The following SGCZ variants were observed in gnomAD, a reference collection of about 807,000 sequenced individuals.
SGCZ encodes the protein sarcoglycan zeta.
Under a neutral mutation model 41.3 loss-of-function variants are expected in SGCZ, and 40 were observed. The ratio of observed to expected loss-of-function variants is 0.97; its 90% CI spans 0.75 to 1.26. The LOEUF (loss-of-function observed/expected upper bound fraction) is 1.26. SGCZ is among the 50% of genes most tolerant of loss of function. The pLI, the probability that SGCZ is intolerant of heterozygous loss-of-function variation, is 0.00. For synonymous variants in SGCZ, 206 were observed against 137.5 expected, an observed-to-expected ratio of 1.50 and a Z score of -3.49; for missense variants, 552 against 369.8, an observed-to-expected ratio of 1.49 and a Z score of -4.04.
chr8:14,719,376 G>A (rs1585207151), intron 1 of SGCZ, among the ~76,000 whole-genome samples: 1 of 150,218 alleles, frequency 6.7e-6, no homozygotes, highest in Non-Finnish European at 1.5e-5. Context: ...CCCAGTAATG[G>A]GATGGCTGGG....
At chr8:14,353,196 T>C (rs543239373) in intron 2 of SGCZ, among the ~76,000 whole-genome samples, 55 of 152,178 alleles carry the variant, frequency 3.6e-4, no homozygotes, top group African/African-American at 1.2e-3. Flanking sequence ...ATGGAGTTGG[T>C]GGGAAGATTA....
intron 1 of SGCZ, among the ~76,000 whole-genome samples, chr8:15,191,677 A>T (rs536284130): frequency 6.6e-6 from 1 of 152,184 alleles, no homozygotes; most frequent in Admixed American, 6.5e-5. Flanking sequence ...ACATTTAGGA[A>T]ATTCCTCATA....
At chr8:14,215,616 G>A (rs975467557) in intron 4 of SGCZ, among the ~76,000 whole-genome samples, 1 of 151,918 alleles carries the variant, frequency 6.6e-6, no homozygotes, top group East Asian at 1.9e-4. Context: ...GATGAAAAAA[G>A]AGAGAAGGCA....
chr8:14,339,497 A>T (rs1214377381), intron 2 of SGCZ, among the ~76,000 whole-genome samples: 1 of 152,246 alleles, frequency 6.6e-6, no homozygotes, highest in Non-Finnish European at 1.5e-5. Flanking sequence ...CTTTCAGTAC[A>T]AAATTCAGAA....
intron 2 of SGCZ, among the ~76,000 whole-genome samples, chr8:14,459,747 G>A (rs896442140): frequency 2.6e-5 from 4 of 151,828 alleles, no homozygotes; most frequent in Non-Finnish European, 5.9e-5. Flanking sequence ...CACTGAAAAG[G>A]GAACACTACT....
At chr8:14,487,428 C>T (rs913061935) in intron 2 of SGCZ, among the ~76,000 whole-genome samples, 9 of 152,002 alleles carry the variant, frequency 5.9e-5, no homozygotes, top group African/African-American at 1.7e-4. Context: ...ATATAGATAC[C>T]ATAACATTGC....
At chr8:14,334,190 C>A (rs1387520812) in intron 2 of SGCZ, among the ~76,000 whole-genome samples, 1 of 152,090 alleles carries the variant, frequency 6.6e-6, no homozygotes, top group East Asian at 1.9e-4. Context: ...TACCAAAGCA[C>A]TCCTTAGGGT....
chr8:14,600,214 T>C (rs1474895174), intron 1 of SGCZ, among the ~76,000 whole-genome samples: 1 of 152,232 alleles, frequency 6.6e-6, no homozygotes, highest in Non-Finnish European at 1.5e-5. Flanking sequence ...GTCTTCTTCA[T>C]ATCTGTTATG....
chr8:15,224,927 T>C (rs1801720415), intron 1 of SGCZ, among the ~76,000 whole-genome samples: 1 of 152,142 alleles, frequency 6.6e-6, no homozygotes. Context: ...ATATGTATCT[T>C]ATAACATAGT....
chr8:14,735,321 A>T (rs901495449), intron 1 of SGCZ, among the ~76,000 whole-genome samples: 1 of 152,126 alleles, frequency 6.6e-6, no homozygotes, highest in African/African-American at 2.4e-5. Flanking sequence ...GGAGAAGAAG[A>T]CCCACTCTCG....
intron 1 of SGCZ, among the ~76,000 whole-genome samples, chr8:14,857,471 T>G (rs1473705618): frequency 6.6e-6 from 1 of 152,204 alleles, no homozygotes; most frequent in African/African-American, 2.4e-5. Context: ...GCTAAAATTA[T>G]TTTTACAAGA....
At chr8:15,104,811 T>G (rs2131088159) in intron 1 of SGCZ, among the ~76,000 whole-genome samples, 1 of 152,312 alleles carries the variant, frequency 6.6e-6, no homozygotes, top group South Asian at 2.1e-4. Context: ...TTTTAACTGT[T>G]ACCCATTTAC....
At chr8:15,156,057 C>CAAA (rs67378130) in intron 1 of SGCZ, among the ~76,000 whole-genome samples, 7 of 110,908 alleles carry the variant, frequency 6.3e-5, no homozygotes, top group African/African-American at 2.3e-4. Flanking sequence ...GATTCCCTCT[C>CAAA]AAAAAAAAAA....
chr8:14,351,992 T>C (rs116008344), intron 2 of SGCZ, among the ~76,000 whole-genome samples: 2,251 of 152,190 alleles, frequency 0.015, 57 homozygotes, highest in African/African-American at 0.051. Context: ...TTTACAATTA[T>C]TTAGATATAT....
chr8:14,291,464 G>C (rs1019619270), intron 3 of SGCZ, among the ~76,000 whole-genome samples: 1 of 151,798 alleles, frequency 6.6e-6, no homozygotes. Flanking sequence ...ACCCTAGATT[G>C]CCAAATTTAT....
At position 14,710,672 on chromosome 8, in the gene SGCZ, A is replaced by G. The variant is rs572276678; in HGVS notation, c.40-155746T>C. 2.6e-5 allele frequency among the ~76,000 whole-genome samples: 4 copies of G among 152,240 alleles called. No homozygotes were observed. The South Asian group carries it at 8.3e-4, about 32-fold the overall frequency. On this transcript the variant is annotated intron_variant, in intron 1 of 7. Transcript: ENST00000382080. ...AATATACAAATAAAATATTTTCAGG[A>G]CACATAATTTGTATCAAAAAGAACT...
chr8:14,447,376 G>T (rs577260716), intron 2 of SGCZ, among the ~76,000 whole-genome samples: 1 of 152,012 alleles, frequency 6.6e-6, no homozygotes, highest in Non-Finnish European at 1.5e-5. Flanking sequence ...TGTTACTTGG[G>T]TAAAAAATTC....
At chr8:14,594,896 C>T (rs982300183) in intron 1 of SGCZ, among the ~76,000 whole-genome samples, 11 of 151,832 alleles carry the variant, frequency 7.2e-5, no homozygotes, top group Non-Finnish European at 1.3e-4. Context: ...TACAGAGACA[C>T]TGTTATATTG....
intron 3 of SGCZ, among the ~76,000 whole-genome samples, chr8:14,300,493 C>G (rs1488166278): frequency 2.0e-5 from 3 of 152,064 alleles, no homozygotes; most frequent in South Asian, 4.1e-4. Context: ...ACTCTATGAC[C>G]TTGGCCACAT....
Sources: allele counts gnomAD v4.1 joint callset (sites outside exome capture counted in the v4.1 genomes callset), GRCh38; gene constraint gnomAD v4.1.1; transcripts MANE v1.5; gene names NCBI Gene and HGNC (gene_info 2026-07-23, HGNC 2026-07-21).